PCDHGB4: variants seen among roughly 807,000 people sequenced by gnomAD.
PCDHGB4 encodes the protein protocadherin gamma subfamily B, 4.
A neutral mutation model predicts 60.5 loss-of-function variants in PCDHGB4; 38 were observed. That is an observed-to-expected ratio of 0.63 (90% CI 0.48 to 0.82). The LOEUF (loss-of-function observed/expected upper bound fraction) is 0.82. Ranked by LOEUF, PCDHGB4 falls within the 40% of genes least tolerant of loss-of-function variation. The pLI, the probability that PCDHGB4 is intolerant of heterozygous loss-of-function variation, is 0.00. For synonymous variants in PCDHGB4, 456 were observed against 509.7 expected, an observed-to-expected ratio of 0.89 and a Z score of 1.42; for missense variants, 1,109 against 1,209.6, an observed-to-expected ratio of 0.92 and a Z score of 1.23.
intron 2 of PCDHGB4, among the ~76,000 whole-genome samples, chr5:141,499,265 C>T (rs1220250999): frequency 6.6e-6 from 1 of 152,128 alleles, no homozygotes; most frequent in African/African-American, 2.4e-5. Context: ...CATTTGGTCC[C>T]TAGACTGTTC....
At chr5:141,404,910 CT>C (rs1185141572) in intron 1 of PCDHGB4, 10 of 1,613,936 alleles carry the variant, frequency 6.2e-6, no homozygotes, top group Non-Finnish European at 8.5e-6. Flanking sequence ...GGCCAGCCCC[CT>C]CTCTCGGCCA....
At chr5:141,405,448 CT>C in intron 1 of PCDHGB4, 1 of 1,314,740 alleles carries the variant, frequency 7.6e-7, no homozygotes, top group Non-Finnish European at 1.1e-6. Flanking sequence ...GAGACAGAGT[CT>C]TACTCTGTTA....
At chr5:141,425,805 C>T (rs1419480761) in intron 1 of PCDHGB4, among the ~76,000 whole-genome samples, 1 of 152,158 alleles carries the variant, frequency 6.6e-6, no homozygotes, top group African/African-American at 2.4e-5. Context: ...TGCATTGCTT[C>T]TGCTTAGAAA....
At chr5:141,393,746 A>G (rs1167040701) in intron 1 of PCDHGB4, 6 of 1,613,800 alleles carry the variant, frequency 3.7e-6, no homozygotes, top group South Asian at 1.1e-5. Context: ...ATTATGAAGA[A>G]TGTTCATTTT....
At chr5:141,399,854 GC>G (rs1416380474) in intron 1 of PCDHGB4, 1 of 1,612,786 alleles carries the variant, frequency 6.2e-7, no homozygotes, top group Admixed American at 1.7e-5. Context: ...ATGGTGCCGC[GC>G]GCTGCAGAGC....
chr5:141,430,910 G>C, intron 1 of PCDHGB4: 2 of 1,608,040 alleles, frequency 1.2e-6, no homozygotes, highest in South Asian at 1.1e-5. Context: ...CATCTCCAGG[G>C]ACCTGGGGCT....
At chr5:141,399,663 G>T (rs766997364) in intron 1 of PCDHGB4, 4 of 1,613,506 alleles carry the variant, frequency 2.5e-6, no homozygotes, top group Admixed American at 3.3e-5. Context: ...TGGTGTTCGC[G>T]CAGCGCGCCT....
At chr5:141,429,196 A>ACACACT in intron 1 of PCDHGB4, 1 of 151,994 alleles carries the variant, frequency 6.6e-6, no homozygotes, top group Non-Finnish European at 1.5e-5. Context: ...ACACACACAC[A>ACACACT]CACACACACG....
chr5:141,508,740 C>G (rs2099871405), intron 3 of PCDHGB4, among the ~76,000 whole-genome samples: 1 of 152,006 alleles, frequency 6.6e-6, no homozygotes. Flanking sequence ...CACCCCCCAC[C>G]CCGCTCTTTC....
Position 141,486,098 on chromosome 5 carries a change from G to A in PCDHGB4, c.2398-8709G>A, listed in dbSNP as rs1211678224. ...AAAGCTTACTCTTTTGGGGCCCCTA[G>A]ACTTTGAGAGTGAGAATTACTATGA... On this transcript the variant is annotated intron_variant, in intron 1 of 3. Transcript: ENST00000519479. This position sits in a 1 kb window ranked among gnomAD's most constrained non-coding sequence, Gnocchi z 5.0. 5.0e-6 allele frequency: 8 copies of A among 1,614,032 alleles called. No homozygotes were observed. Among genetic ancestry groups the A allele is most frequent in the Admixed American group, 3.3e-5 (2 of 59,994 alleles).
rs953428261 is a variant in PCDHGB4, at chr5:141,430,262, T to C, written c.2397+39981T>C. On this transcript the variant is annotated intron_variant, in intron 1 of 3. Coordinates refer to ENST00000519479, the MANE Select transcript of PCDHGB4 (RefSeq NM_003736.4). ...AACTCCTAGGGAGACATCTCCATAA[T>C]AGGTGTGTTGGGGGAACAGTAATCT... Among the ~76,000 whole-genome samples the C allele has an allele frequency of 2.6e-5, 4 of 151,892 alleles. No homozygotes were observed. The East Asian group carries it at 5.8e-4, about 22-fold the overall frequency.
intron 1 of PCDHGB4, chr5:141,397,890 A>G: frequency 3.2e-6 from 2 of 628,782 alleles, no homozygotes; most frequent in Non-Finnish European, 5.3e-6. Context: ...GCTGTTGGCC[A>G]AAGTGCAGAG....
intron 1 of PCDHGB4, chr5:141,424,411 C>T (rs1259102577): frequency 6.6e-6 from 1 of 152,154 alleles, no homozygotes; most frequent in Admixed American, 6.5e-5. Flanking sequence ...GGTGAAGTTA[C>T]ATTGACTGTT....
intron 1 of PCDHGB4, among the ~76,000 whole-genome samples, chr5:141,402,740 C>A (rs2094301178): frequency 6.6e-6 from 1 of 152,146 alleles, no homozygotes; most frequent in Non-Finnish European, 1.5e-5. Context: ...CGCTGTTGAT[C>A]AACTCTAAGC....
chr5:141,417,023 T>C (rs2096074487), intron 1 of PCDHGB4: 1 of 139,106 alleles, frequency 7.2e-6, no homozygotes, highest in South Asian at 2.3e-4. Flanking sequence ...TTTTGAAAAA[T>C]ACAGGTTTTT....
At chr5:141,460,425 G>A (rs953425058) in intron 1 of PCDHGB4, among the ~76,000 whole-genome samples, 3 of 152,114 alleles carry the variant, frequency 2.0e-5, no homozygotes. Flanking sequence ...TATGTATGGT[G>A]TATGGTGTGA....
At position 141,477,269 on chromosome 5, in the gene PCDHGB4, G is replaced by A; in HGVS notation, c.2398-17538G>A. On this transcript the variant is annotated intron_variant, in intron 1 of 3. Coordinates refer to ENST00000519479, the MANE Select transcript of PCDHGB4 (RefSeq NM_003736.4). This position sits in a 1 kb window ranked among gnomAD's most constrained non-coding sequence, Gnocchi z 4.9. Reference sequence around the variant, plus strand: ...GACTGACCTGGATGCTGGCGAGAACGGGCTGGTGACCTGCGAAGTTCCACC... The same window carrying A: ...GACTGACCTGGATGCTGGCGAGAACAGGCTGGTGACCTGCGAAGTTCCACC... 1.9e-6 allele frequency: 3 copies of A among 1,614,154 alleles called. No individual in the cohort carries two copies. Among genetic ancestry groups the A allele is most frequent in the Non-Finnish European group, 2.5e-6 (3 of 1,180,030 alleles).
chr5:141,509,809 A>G (rs13163163), intron 3 of PCDHGB4, among the ~76,000 whole-genome samples: 35,240 of 151,962 alleles, frequency 0.23, 4,247 homozygotes, highest in Admixed American at 0.33. Context: ...CATAGAGCCG[A>G]GCTCTTCTCC....
At chr5:141,450,887 C>T (rs531604055) in intron 1 of PCDHGB4, among the ~76,000 whole-genome samples, 18 of 148,682 alleles carry the variant, frequency 1.2e-4, no homozygotes, top group East Asian at 1.2e-3. Flanking sequence ...TGCAGTGGTG[C>T]GATATCGGCT....
Sources: gnomAD v4.1 joint callset for allele counts (sites outside exome capture counted in the v4.1 genomes callset) on GRCh38, gnomAD v4.1.1 for gene constraint, Gnocchi (gnomAD v3.1) non-coding constraint, MANE v1.5 for transcripts, NCBI Gene and HGNC (gene_info 2026-07-23, HGNC 2026-07-21) for gene names.